The following CDKN2B-AS1 variants were observed in gnomAD, a reference collection of about 807,000 sequenced individuals.
The protein encoded by CDKN2B-AS1 is CDKN2B and CDKN2A antisense cis and trans regulatory RNA 1, also known as CDKN2B antisense RNA 1 (non-protein coding).
At chr9:22,026,034 G>A (rs1257274080) in intron 1 of CDKN2B-AS1, among the ~76,000 whole-genome samples, 2 of 151,972 alleles carry the variant, frequency 1.3e-5, no homozygotes, top group Admixed American at 6.6e-5. Flanking sequence ...TGGGGTAGCC[G>A]GGGACCCCAG....
intron 4 of CDKN2B-AS1, among the ~76,000 whole-genome samples, chr9:22,099,435 A>G (rs543168784): frequency 1.3e-5 from 2 of 152,332 alleles, no homozygotes; most frequent in East Asian, 3.9e-4. Flanking sequence ...TGGGTTTGAT[A>G]GCAAGAAACT....
chr9:22,045,038 TTGTGTGTGTGTGTGTG>T (rs3028395), intron 1 of CDKN2B-AS1, among the ~76,000 whole-genome samples: 2 of 141,852 alleles, frequency 1.4e-5, no homozygotes, highest in Admixed American at 1.4e-4. Context: ...TATTATTTAT[TTGTGTGTGTGTGTGTG>T]TGTGTGTGTG....
intron 1 of CDKN2B-AS1, among the ~76,000 whole-genome samples, chr9:22,028,708 A>T (rs1443057011): frequency 6.6e-6 from 1 of 152,208 alleles, no homozygotes; most frequent in Non-Finnish European, 1.5e-5. Flanking sequence ...GAAACTTAAC[A>T]GCAAAGTATC....
In CDKN2B-AS1 at chr9:22,076,795, C is replaced by T. The variant is rs551381925; in HGVS notation, n.438+20408C>T. ...GCAACCTCCACCTCCCAGGCTCAAG[C>T]AATCCTCTCACCTGAGCCTTGCGAG... is the stretch of plus-strand genomic sequence containing the variant. On this transcript the variant is annotated intron_variant and non_coding_transcript_variant, in intron 4 of 4. Coordinates refer to ENST00000650946, the Ensembl canonical transcript of CDKN2B-AS1. Among the ~76,000 whole-genome samples the T allele has an allele frequency of 3.7e-3, 559 of 152,286 alleles. 5 individuals carry two copies. Among genetic ancestry groups the T allele is most frequent in the African/African-American group, 0.013 (527 of 41,558 alleles).
At chr9:22,081,189 C>G (rs1236632981) in intron 4 of CDKN2B-AS1, among the ~76,000 whole-genome samples, 1 of 150,720 alleles carries the variant, frequency 6.6e-6, no homozygotes, top group Non-Finnish European at 1.5e-5. Context: ...TACATTTTGT[C>G]ATACAAGTTT....
chr9:22,114,821 G>T (rs1178207586), intron 4 of CDKN2B-AS1, among the ~76,000 whole-genome samples: 2 of 152,180 alleles, frequency 1.3e-5, no homozygotes, highest in African/African-American at 4.8e-5. Flanking sequence ...ATGAGATAAT[G>T]GTCTTTTCTT....
Position 22,008,780 on chromosome 9 carries a change from C to A in CDKN2B-AS1, n.29+13619C>A, listed in dbSNP as rs372340557. The A allele has an allele frequency of 1.7e-5, 28 of 1,607,692 alleles. No individual in the cohort carries two copies. The highest frequency in any genetic ancestry group is 8.9e-5 in the East Asian group (4 of 44,754). On this transcript the variant is annotated intron_variant and non_coding_transcript_variant, in intron 1 of 4. Transcript: ENST00000650946. Reference sequence around the variant, plus strand: ...GTTCGCGCGCCCCCTGCCGGCGAGGCCCTGGGGCCCCAGCTACCTGGATCG... The same window carrying A: ...GTTCGCGCGCCCCCTGCCGGCGAGGACCTGGGGCCCCAGCTACCTGGATCG...
At chr9:22,043,928 T>C (rs1034825026) in intron 1 of CDKN2B-AS1, among the ~76,000 whole-genome samples, 2 of 151,994 alleles carry the variant, frequency 1.3e-5, no homozygotes, top group Non-Finnish European at 2.9e-5. Flanking sequence ...TATTCAAGCA[T>C]GAGGAATGGC....
chr9:22,012,033 T>C (rs1450376765), intron 1 of CDKN2B-AS1: 3 of 554,188 alleles, frequency 5.4e-6, no homozygotes, highest in Middle Eastern at 5.0e-4. Flanking sequence ...CTCAGATCAC[T>C]AGTAATAATA....
chr9:22,115,998 A>G (rs1014281111), intron 4 of CDKN2B-AS1, among the ~76,000 whole-genome samples: 1 of 152,182 alleles, frequency 6.6e-6, no homozygotes, highest in Admixed American at 6.5e-5. Context: ...GCTATTAGTT[A>G]TGTCTTGTTG....
chr9:22,118,901 G>A (rs1826027026), intron 4 of CDKN2B-AS1: 1 of 152,126 alleles, frequency 6.6e-6, no homozygotes, highest in Non-Finnish European at 1.5e-5. Flanking sequence ...TGGATGGGGA[G>A]ATATCATGAA....
At chr9:22,095,222 A>C (rs1825232097) in intron 4 of CDKN2B-AS1, among the ~76,000 whole-genome samples, 1 of 144,638 alleles carries the variant, frequency 6.9e-6, no homozygotes, top group Non-Finnish European at 1.5e-5. Context: ...GTCTGCCCCT[A>C]CTGGGGGGTG....
chr9:22,071,610 G>GTAT (rs1824299380), intron 4 of CDKN2B-AS1, among the ~76,000 whole-genome samples: 1 of 152,024 alleles, frequency 6.6e-6, no homozygotes. Context: ...TTCTGGGACT[G>GTAT]TATTCATTGG....
intron 4 of CDKN2B-AS1, among the ~76,000 whole-genome samples, chr9:22,057,710 AG>A (rs1419233471): frequency 1.3e-4 from 20 of 151,310 alleles, no homozygotes; most frequent in East Asian, 9.8e-4. Context: ...CAGGAGGCAG[AG>A]GTGGAGGATT....
At chr9:22,081,551 G>A (rs1824694296) in intron 4 of CDKN2B-AS1, among the ~76,000 whole-genome samples, 2 of 152,092 alleles carry the variant, frequency 1.3e-5, no homozygotes, top group Admixed American at 6.5e-5. Flanking sequence ...GAGATTTTAG[G>A]GATTACAGAA....
At chr9:22,098,523 C>G (rs1158413638) in intron 4 of CDKN2B-AS1, among the ~76,000 whole-genome samples, 1 of 151,880 alleles carries the variant, frequency 6.6e-6, no homozygotes, top group Non-Finnish European at 1.5e-5. Context: ...CACTTGTAAC[C>G]ACATGTCAGT....
chr9:22,106,486 G>A (rs948047963), intron 4 of CDKN2B-AS1, among the ~76,000 whole-genome samples: 5 of 152,158 alleles, frequency 3.3e-5, no homozygotes, highest in African/African-American at 4.8e-5. Context: ...CAAAGTGCTC[G>A]GATTATAGGC....
intron 4 of CDKN2B-AS1, among the ~76,000 whole-genome samples, chr9:22,122,264 G>T (rs1826118977): frequency 6.6e-6 from 1 of 151,784 alleles, no homozygotes; most frequent in Non-Finnish European, 1.5e-5. Context: ...TTACTGTTGA[G>T]ATGTTTGAGT....
intron 4 of CDKN2B-AS1, among the ~76,000 whole-genome samples, chr9:22,111,723 G>A (rs896695466): frequency 6.6e-6 from 1 of 152,030 alleles, no homozygotes; most frequent in East Asian, 1.9e-4. Flanking sequence ...TTTAATTTCA[G>A]TGCCAATTAA....
Sources: allele counts gnomAD v4.1 joint callset (sites outside exome capture counted in the v4.1 genomes callset), GRCh38; gene constraint gnomAD v4.1.1; transcripts MANE v1.5; gene names NCBI Gene and HGNC (gene_info 2026-07-23, HGNC 2026-07-21).